The following CEP164 variants were observed in gnomAD, a reference collection of about 807,000 sequenced individuals.
The protein encoded by CEP164 is centrosomal protein of 164 kDa.
CEP164 carries 162 observed loss-of-function variants against 182.7 expected under a neutral mutation model. That is an observed-to-expected ratio of 0.89 (90% CI 0.78 to 1.01). The LOEUF (loss-of-function observed/expected upper bound fraction) is 1.01. Ranked by LOEUF, CEP164 falls within the 50% of genes least tolerant of loss-of-function variation. The pLI, the probability that CEP164 is intolerant of heterozygous loss-of-function variation, is 0.00. For missense variants in CEP164, 1,735 were observed against 1,790.4 expected, an observed-to-expected ratio of 0.97 and a Z score of 0.56; for synonymous variants, 661 against 690.0, an observed-to-expected ratio of 0.96 and a Z score of 0.66.
chr11:117,377,650 G>T (rs1294554798), intron 11 of CEP164, among the ~76,000 whole-genome samples: 4 of 152,152 alleles, frequency 2.6e-5, no homozygotes, highest in African/African-American at 7.2e-5. Context: ...TCTCTCAAGG[G>T]CAGGACCAGG....
intron 5 of CEP164, chr11:117,355,465 G>A: frequency 1.6e-6 from 2 of 1,289,740 alleles, no homozygotes; most frequent in South Asian, 1.2e-5. Context: ...CACTGAAAGG[G>A]GAGCAGCACA....
chr11:117,396,360 G>A (rs1047884336), intron 25 of CEP164, among the ~76,000 whole-genome samples, 180 bp downstream of exon 25: 16 of 152,116 alleles, frequency 1.1e-4, no homozygotes, highest in Non-Finnish European at 2.4e-4. Context: ...GTTCTCTATG[G>A]GACCTGGTCT....
intron 11 of CEP164, among the ~76,000 whole-genome samples, chr11:117,376,674 A>C (rs1295566676): frequency 2.0e-5 from 3 of 152,188 alleles, no homozygotes; most frequent in Admixed American, 2.0e-4. Flanking sequence ...GAGGCAGGCC[A>C]GTTGCATTTG....
At chr11:117,381,941 T>C (rs2043360839) in intron 13 of CEP164, 73 bp downstream of exon 13, 2 of 1,298,152 alleles carry the variant, frequency 1.5e-6, no homozygotes, top group African/African-American at 3.2e-5. Context: ...GTATGTGTGC[T>C]AGTGCTGAGA....
rs957716307 is a variant in CEP164, at chr11:117,369,622, T to C, written c.766-1458T>C. 3.5e-4 allele frequency among the ~76,000 whole-genome samples: 54 copies of C among 152,200 alleles called. 1 individual carries two copies. Among genetic ancestry groups the C allele is most frequent in the African/African-American group, 1.3e-3 (54 of 41,448 alleles). ...CCTCTCCACTCTCTAGTCATCATGG[T>C]CCTTGAGTCTTCAGAACAGGGAATC... On this transcript the variant is annotated intron_variant, in intron 8 of 32. Coordinates refer to ENST00000278935, the MANE Select transcript of CEP164 (RefSeq NM_014956.5).
intron 27 of CEP164, among the ~76,000 whole-genome samples, chr11:117,397,808 G>A (rs919724898): frequency 5.3e-5 from 8 of 152,146 alleles, no homozygotes; most frequent in African/African-American, 7.2e-5. Context: ...CCCACAACAC[G>A]TGGAAATTAT....
intron 27 of CEP164, among the ~76,000 whole-genome samples, chr11:117,399,307 A>G (rs933862188): frequency 8.5e-5 from 13 of 152,244 alleles, no homozygotes; most frequent in African/African-American, 2.9e-4. Flanking sequence ...TACAAAGGAC[A>G]TGAACTCATC....
At chr11:117,342,002 T>C (rs1323236593) in intron 3 of CEP164, among the ~76,000 whole-genome samples, 1 of 151,954 alleles carries the variant, frequency 6.6e-6, no homozygotes, top group East Asian at 1.9e-4. Context: ...TTGACCATCA[T>C]TTCTAGAGGA....
intron 8 of CEP164, among the ~76,000 whole-genome samples, chr11:117,368,716 C>T (rs1185346679): frequency 6.6e-6 from 1 of 152,232 alleles, no homozygotes; most frequent in Non-Finnish European, 1.5e-5. Context: ...TGGATATGAG[C>T]TTCTGCTGAG....
intron 10 of CEP164, 77 bp from the exon 11 acceptor site, chr11:117,375,631 T>A (rs2042661788): frequency 8.8e-7 from 1 of 1,133,308 alleles, no homozygotes; most frequent in Non-Finnish European, 1.3e-6. Flanking sequence ...GAAAGTGGAG[T>A]TGGGGTAGTG....
At chr11:117,386,383 A>G (rs1487434190) in intron 14 of CEP164, 2 of 152,230 alleles carry the variant, frequency 1.3e-5, no homozygotes, top group Non-Finnish European at 2.9e-5. Flanking sequence ...GAACCAGAAA[A>G]CAAGCAAAAT....
At chr11:117,356,553 T>C (rs1392273196) in intron 5 of CEP164, 1 of 1,289,150 alleles carries the variant, frequency 7.8e-7, no homozygotes, top group Non-Finnish European at 1.0e-6. Context: ...AGGCAGGGGC[T>C]AGTCCAGCAG....
rs748382180 is a variant in CEP164, at chr11:117,387,233, G to C, written c.1755G>C (p.Glu585Asp). Residue 585 changes from glutamate to aspartate, a missense_variant, in exon 15 of 33, where the codon GAG (glutamate) becomes GAC (aspartate). Coordinates refer to ENST00000278935, the MANE Select transcript of CEP164 (RefSeq NM_014956.5). ...VRSTEPVAPPEQLSEAALKAM... is the reference protein window; with the variant it reads ...VRSTEPVAPPDQLSEAALKAM... ...CCACAGAGCCTGTGGCTCCCCCAGA[G>C]CAGCTCTCAGAGGCTGCACTAAAGG... The C allele has an allele frequency of 6.2e-7, 1 of 1,614,048 alleles. No homozygotes were observed. Among genetic ancestry groups the C allele is most frequent in the East Asian group, 2.2e-5 (1 of 44,890 alleles).
chr11:117,346,815 G>A (rs2038963594), intron 4 of CEP164, among the ~76,000 whole-genome samples: 1 of 152,106 alleles, frequency 6.6e-6, no homozygotes, highest in African/African-American at 2.4e-5. Flanking sequence ...AGTGAGCCGA[G>A]ACTGCATCAC....
chr11:117,349,568 C>G (rs919801562), intron 4 of CEP164, among the ~76,000 whole-genome samples: 6 of 152,104 alleles, frequency 3.9e-5, no homozygotes, highest in Non-Finnish European at 7.4e-5. Flanking sequence ...TCACTGCAGC[C>G]TCGAACAGCT....
rs142187969 is a variant in CEP164, at chr11:117,409,522, G to A, written c.3749-96G>A. 510 of 1,071,932 alleles carry A rather than the reference G, an allele frequency of 4.8e-4. No individual in the cohort carries two copies. The highest frequency in any genetic ancestry group is 6.2e-4 in the Non-Finnish European group (453 of 733,470). 66.4% of individuals were successfully genotyped at this position (1,071,932 alleles called of 1,614,324 possible). A position where few individuals can be genotyped will look rare whatever the true frequency, so the allele number is the denominator to read the frequency against. On this transcript the variant is annotated intron_variant, in intron 29 of 32. Transcript: ENST00000278935. The surrounding 1 kb of genome is among the most constrained non-coding windows in gnomAD (Gnocchi z 4.4). ...GGCTGTTGTCTGGAGAAGCAGGGAGGGGTGGCCAGTAGGGTCCTCCATGAC... is the reference window on the plus strand; with the variant it reads ...GGCTGTTGTCTGGAGAAGCAGGGAGAGGTGGCCAGTAGGGTCCTCCATGAC...
intron 27 of CEP164, among the ~76,000 whole-genome samples, chr11:117,402,905 C>A (rs553584070): frequency 1.4e-4 from 21 of 152,270 alleles, no homozygotes; most frequent in Middle Eastern, 3.4e-3. Context: ...TAGCTCTTCT[C>A]CCTTTACCGT....
chr11:117,353,746 T>C (rs1186137567), intron 5 of CEP164, among the ~76,000 whole-genome samples: 1 of 152,192 alleles, frequency 6.6e-6, no homozygotes, highest in East Asian at 1.9e-4. Flanking sequence ...TGGTTTGGAC[T>C]GTCTGGAGGT....
intron 2 of CEP164, among the ~76,000 whole-genome samples, chr11:117,337,268 A>G (rs1364204565): frequency 1.3e-5 from 2 of 152,124 alleles, no homozygotes; most frequent in Non-Finnish European, 2.9e-5. Context: ...CTAAGCCACT[A>G]GACAGTGGGC....
Sources: gnomAD v4.1 joint callset for allele counts (sites outside exome capture counted in the v4.1 genomes callset) on GRCh38, gnomAD v4.1.1 for gene constraint, Gnocchi (gnomAD v3.1) non-coding constraint, MANE v1.5 for transcripts, NCBI Gene and HGNC (gene_info 2026-07-23, HGNC 2026-07-21) for gene names.